TLN2: variants seen among roughly 807,000 people sequenced by gnomAD.
TLN2 encodes the protein talin-2.
TLN2 carries 118 observed loss-of-function variants against 294.7 expected under a neutral mutation model. The ratio of observed to expected loss-of-function variants is 0.40; its 90% CI spans 0.34 to 0.47. The LOEUF is 0.47. Among genes scored for constraint, TLN2 ranks in the 20% least tolerant of loss-of-function variants. The pLI is 0.84. For synonymous variants in TLN2, 1,431 were observed against 1,304.5 expected, an observed-to-expected ratio of 1.10 and a Z score of -2.09; for missense variants, 3,083 against 3,282.2, an observed-to-expected ratio of 0.94 and a Z score of 1.48.
intron 1 of TLN2, among the ~76,000 whole-genome samples, chr15:62,471,597 C>G (rs1031084112): frequency 6.6e-6 from 1 of 152,142 alleles, no homozygotes; most frequent in African/African-American, 2.4e-5. Context: ...GTTCCCTTGT[C>G]TCTGTCAAAC....
chr15:62,802,556 T>C (rs1459256578), intron 50 of TLN2, among the ~76,000 whole-genome samples: 2 of 152,246 alleles, frequency 1.3e-5, no homozygotes, highest in African/African-American at 4.8e-5. Flanking sequence ...GATATCTCTT[T>C]AATAAACTGA....
chr15:62,612,838 G>C (rs2048021519), intron 2 of TLN2, among the ~76,000 whole-genome samples: 1 of 152,172 alleles, frequency 6.6e-6, no homozygotes, highest in African/African-American at 2.4e-5. Flanking sequence ...CATTTGCTCT[G>C]ATGCTTTAGT....
At position 62,468,756 on chromosome 15, in the gene TLN2, A is replaced by AT. The variant is rs1555412497; in HGVS notation, c.-238+78071_-238+78072insT. ...CTAGACTCTGTCTCAAAAAAAAAAT[A>AT]AAAATAAAAAAAATACAAAAATAAA... On this transcript the variant is annotated intron_variant, in intron 1 of 58. Coordinates refer to ENST00000636159, the MANE Select transcript of TLN2 (RefSeq NM_015059.3). Among the ~76,000 whole-genome samples the AT allele has an allele frequency of 1.2e-4, 12 of 97,026 alleles. 1 individual carries two copies. The highest frequency in any genetic ancestry group is 4.7e-4 in the South Asian group (1 of 2,126). The allele number at this position is 97,026 out of a possible 152,430, so 63.7% of individuals were successfully genotyped here.
At chr15:62,475,453 A>G (rs1219201530) in intron 1 of TLN2, among the ~76,000 whole-genome samples, 1 of 152,154 alleles carries the variant, frequency 6.6e-6, no homozygotes, top group Non-Finnish European at 1.5e-5. Context: ...AATGCAGGGG[A>G]AAGAGGCAAC....
chr15:62,586,220 G>A (rs2045596881), intron 1 of TLN2, among the ~76,000 whole-genome samples: 2 of 152,216 alleles, frequency 1.3e-5, no homozygotes, highest in Non-Finnish European at 2.9e-5. Flanking sequence ...ATTCACACTG[G>A]GTGGCCCATG....
chr15:62,556,185 A>G (rs2042595865), intron 1 of TLN2, among the ~76,000 whole-genome samples: 1 of 151,232 alleles, frequency 6.6e-6, no homozygotes, highest in Admixed American at 6.6e-5. Flanking sequence ...TGGCATATAT[A>G]TGGGTAGGTT....
chr15:62,512,833 C>A (rs2039997944), intron 1 of TLN2, among the ~76,000 whole-genome samples: 1 of 152,168 alleles, frequency 6.6e-6, no homozygotes, highest in Non-Finnish European at 1.5e-5. Flanking sequence ...ATGTTTTGGG[C>A]ATCTTCAAGA....
At chr15:62,454,181 T>G (rs1188701903) in intron 1 of TLN2, among the ~76,000 whole-genome samples, 1 of 152,232 alleles carries the variant, frequency 6.6e-6, no homozygotes, top group East Asian at 1.9e-4. Context: ...GATTCTGTGA[T>G]GTTTAATGAC....
chr15:62,630,215 T>C (rs560880549), intron 3 of TLN2, among the ~76,000 whole-genome samples: 1 of 152,276 alleles, frequency 6.6e-6, no homozygotes, highest in East Asian at 1.9e-4. Context: ...AGAGGACAGG[T>C]CATTTAGGTA....
chr15:62,789,900 A>G (rs7164920), intron 45 of TLN2, among the ~76,000 whole-genome samples: 3 of 152,196 alleles, frequency 2.0e-5, no homozygotes, highest in Admixed American at 6.5e-5. Flanking sequence ...CTTGCTGTCA[A>G]CCTTTCACTC....
chr15:62,641,120 G>A (rs1056498562), intron 3 of TLN2, among the ~76,000 whole-genome samples: 7 of 152,084 alleles, frequency 4.6e-5, no homozygotes, highest in African/African-American at 1.7e-4. Flanking sequence ...CTATATTTAA[G>A]TGAATAAAGG....
At chr15:62,818,924 C>G (rs2141200809) in intron 52 of TLN2, among the ~76,000 whole-genome samples, 1 of 152,032 alleles carries the variant, frequency 6.6e-6, no homozygotes, top group African/African-American at 2.4e-5. Context: ...GATGCAACCA[C>G]TGCTCACTGC....
chr15:62,454,627 C>T (rs1168998345), intron 1 of TLN2, among the ~76,000 whole-genome samples: 1 of 152,140 alleles, frequency 6.6e-6, no homozygotes, highest in Non-Finnish European at 1.5e-5. Flanking sequence ...CCCATCCTTC[C>T]GTGAGTCCCC....
intron 1 of TLN2, among the ~76,000 whole-genome samples, chr15:62,499,864 A>G (rs2039214995): frequency 6.6e-6 from 1 of 151,982 alleles, no homozygotes; most frequent in Admixed American, 6.6e-5. Flanking sequence ...GGACTTCCCA[A>G]AGTGGTGGGA....
intron 1 of TLN2, among the ~76,000 whole-genome samples, chr15:62,550,912 A>T (rs1231406235): frequency 6.6e-6 from 1 of 152,146 alleles, no homozygotes; most frequent in Middle Eastern, 3.2e-3. Flanking sequence ...TGTGTACTTT[A>T]TTTCTATTAT....
intron 7 of TLN2, among the ~76,000 whole-genome samples, chr15:62,655,570 T>G (rs955695762): frequency 1.3e-5 from 2 of 149,734 alleles, no homozygotes; most frequent in African/African-American, 2.5e-5. Flanking sequence ...GGCAGCATAT[T>G]ATACATTCAT....
chr15:62,670,365 A>G lies in TLN2; in HGVS notation c.789-3462A>G, dbSNP rs144077012. ...AGAGGCTCTCTGCTACTTACTCACA[A>G]GTCCTGTGCCTTCAGCTAAGTCTTT... On this transcript the variant is annotated intron_variant, in intron 9 of 58. Transcript: ENST00000636159. 6.7e-3 allele frequency among the ~76,000 whole-genome samples: 1,022 copies of G among 152,298 alleles called. 4 individuals carry two copies. The highest frequency in any genetic ancestry group is 9.1e-3 in the Non-Finnish European group (619 of 68,020).
At chr15:62,813,636 G>A (rs943310697) in intron 52 of TLN2, among the ~76,000 whole-genome samples, 5 of 152,096 alleles carry the variant, frequency 3.3e-5, no homozygotes, top group East Asian at 1.9e-4. Flanking sequence ...TTAGGATCAC[G>A]GTAATGCTAT....
intron 7 of TLN2, among the ~76,000 whole-genome samples, chr15:62,654,339 C>G (rs1253564737): frequency 6.6e-6 from 1 of 152,124 alleles, no homozygotes; most frequent in Non-Finnish European, 1.5e-5. Context: ...AATAAAGATG[C>G]TTTCTTCAGT....
Sources: allele counts gnomAD v4.1 joint callset (sites outside exome capture counted in the v4.1 genomes callset), GRCh38; gene constraint gnomAD v4.1.1; transcripts MANE v1.5; gene names NCBI Gene and HGNC (gene_info 2026-07-23, HGNC 2026-07-21).